The following VEPH1 variants were observed in gnomAD, a reference collection of about 807,000 sequenced individuals.
The protein encoded by VEPH1 is ventricular zone-expressed PH domain-containing protein homolog 1.
VEPH1 carries 80 observed loss-of-function variants against 85.2 expected under a neutral mutation model. The ratio of observed to expected loss-of-function variants is 0.94; its 90% CI spans 0.78 to 1.13. The LOEUF (loss-of-function observed/expected upper bound fraction) is 1.13. Ranked by LOEUF, VEPH1 falls within the 50% of genes most tolerant of loss-of-function variation. The probability of loss-of-function intolerance (pLI) is 0.00; values close to 1 mark genes in which losing one functional copy is unlikely to be tolerated. For missense variants in VEPH1, 955 were observed against 980.5 expected, an observed-to-expected ratio of 0.97 and a Z score of 0.35; for synonymous variants, 297 against 348.0, an observed-to-expected ratio of 0.85 and a Z score of 1.63.
chr3:157,454,162 C>A (rs574184316), intron 4 of VEPH1, among the ~76,000 whole-genome samples: 9 of 151,570 alleles, frequency 5.9e-5, no homozygotes, highest in Non-Finnish European at 8.8e-5. Context: ...AAATTTGTTT[C>A]AAAAATGTAG....
chr3:157,353,681 T>C (rs537043251), intron 9 of VEPH1, among the ~76,000 whole-genome samples: 2 of 152,352 alleles, frequency 1.3e-5, no homozygotes, highest in South Asian at 2.1e-4. Flanking sequence ...ATCCTTTTTT[T>C]TCCTGGGTTT....
At chr3:157,457,039 C>A (rs994753199) in intron 4 of VEPH1, among the ~76,000 whole-genome samples, 29 of 152,206 alleles carry the variant, frequency 1.9e-4, no homozygotes, top group African/African-American at 6.7e-4. Context: ...TGTGTCATCT[C>A]TGACTTCTTT....
chr3:157,470,720 A>G (rs190202926), intron 2 of VEPH1, among the ~76,000 whole-genome samples, 191 bp from the exon 3 acceptor site: 17 of 152,286 alleles, frequency 1.1e-4, no homozygotes, highest in African/African-American at 3.4e-4. Flanking sequence ...CAGATACACA[A>G]ACATGCTAAA....
intron 9 of VEPH1, among the ~76,000 whole-genome samples, chr3:157,332,364 A>G (rs1449903314): frequency 6.6e-6 from 1 of 152,152 alleles, no homozygotes; most frequent in African/African-American, 2.4e-5. Flanking sequence ...CCCTAAATGG[A>G]ACCCCCACAT....
rs148427792 is a variant in VEPH1 at position 157,397,999 on chromosome 3, T to A, written c.906+15882A>T. On this transcript the variant is annotated intron_variant, in intron 6 of 13. Transcript: ENST00000362010. ...ATCATGCAGAGCCATTTGTAAACCATGCCCTCGTCTCTTCCTCTGTCAACC... is the reference window on the plus strand; with the variant it reads ...ATCATGCAGAGCCATTTGTAAACCAAGCCCTCGTCTCTTCCTCTGTCAACC... 3.9e-3 allele frequency among the ~76,000 whole-genome samples: 596 copies of A among 152,278 alleles called. 10 individuals are homozygous for A. The East Asian group carries it at 0.044, about 11-fold the overall frequency.
chr3:157,308,226 C>T (rs1271539088), intron 11 of VEPH1, among the ~76,000 whole-genome samples: 1 of 151,850 alleles, frequency 6.6e-6, no homozygotes, highest in Middle Eastern at 3.4e-3. Flanking sequence ...TTTTGTCTCC[C>T]TGCATTGGGT....
At chr3:157,468,793 A>G (rs1187850022) in intron 3 of VEPH1, among the ~76,000 whole-genome samples, 2 of 152,154 alleles carry the variant, frequency 1.3e-5, no homozygotes, top group African/African-American at 2.4e-5. Context: ...ATATACATAT[A>G]TAATTTACCA....
intron 4 of VEPH1, chr3:157,437,714 C>A: frequency 6.5e-7 from 1 of 1,530,016 alleles, no homozygotes; most frequent in Non-Finnish European, 8.7e-7. Flanking sequence ...CCCGCAGAGG[C>A]CAGGCTGACC....
chr3:157,476,051 A>G (rs929107893), intron 2 of VEPH1, among the ~76,000 whole-genome samples: 6 of 152,250 alleles, frequency 3.9e-5, no homozygotes, highest in Non-Finnish European at 1.5e-5. Context: ...GGAATGACTC[A>G]GCCAAATGAC....
At chr3:157,460,032 C>T (rs768197298) in intron 4 of VEPH1, 149 bp downstream of exon 4, 2 of 1,569,372 alleles carry the variant, frequency 1.3e-6, no homozygotes, top group Admixed American at 3.7e-5. Flanking sequence ...TAACCTTTTG[C>T]ATGTTCACAG....
At chr3:157,496,443 T>G (rs1426351014) in intron 1 of VEPH1, among the ~76,000 whole-genome samples, 2 of 152,222 alleles carry the variant, frequency 1.3e-5, no homozygotes, top group Non-Finnish European at 2.9e-5. Flanking sequence ...GTGGCAAGGA[T>G]AGTCTACTGA....
chr3:157,443,023 T>G (rs1734262966), intron 4 of VEPH1: 1 of 1,548,496 alleles, frequency 6.5e-7, no homozygotes, highest in Non-Finnish European at 8.7e-7. Flanking sequence ...AAACTCACAC[T>G]TAAAACACAT....
intron 11 of VEPH1, among the ~76,000 whole-genome samples, chr3:157,295,643 G>A (rs1371770494): frequency 6.8e-6 from 1 of 148,148 alleles, no homozygotes; most frequent in Non-Finnish European, 1.5e-5. Context: ...CCACCCCTCA[G>A]TAGAGAACTG....
At chr3:157,455,705 C>T (rs1174828951) in intron 4 of VEPH1, among the ~76,000 whole-genome samples, 2 of 152,150 alleles carry the variant, frequency 1.3e-5, no homozygotes, top group East Asian at 1.9e-4. Flanking sequence ...TGTTAGCTTG[C>T]TAAGGATAAT....
chr3:157,490,431 A>T (rs1739124313), intron 2 of VEPH1, among the ~76,000 whole-genome samples: 1 of 152,106 alleles, frequency 6.6e-6, no homozygotes, highest in South Asian at 2.1e-4. Flanking sequence ...AAGAAAAAAA[A>T]AACATAAACA....
chr3:157,486,976 A>G (rs1738714923), intron 2 of VEPH1, among the ~76,000 whole-genome samples: 1 of 152,148 alleles, frequency 6.6e-6, no homozygotes. Context: ...AGAATTTACA[A>G]TAAAAACATA....
chr3:157,286,092 A>G (rs2108369203), intron 12 of VEPH1: 1 of 154,306 alleles, frequency 6.5e-6, no homozygotes, highest in East Asian at 1.9e-4. Flanking sequence ...CTATGAGGTT[A>G]TTTCTCAGAT....
rs148829090 is a variant in VEPH1 at position 157,322,102 on chromosome 3, G to A, written c.1736-4901C>T. Among the ~76,000 whole-genome samples, 689 of 151,980 alleles carry A rather than the reference G, an allele frequency of 4.5e-3. 1 individual carries two copies. Among genetic ancestry groups the A allele is most frequent in the Non-Finnish European group, 6.5e-3 (439 of 67,964 alleles). ...GTTGAAACCCTATACCCATTAAACC[G>A]TAACTCCCCATCTTCCTCTCCCCTG... On this transcript the variant is annotated intron_variant, in intron 9 of 13. Coordinates refer to ENST00000362010, the MANE Select transcript of VEPH1 (RefSeq NM_001167912.2).
At chr3:157,350,753 G>A (rs73156756) in intron 9 of VEPH1, among the ~76,000 whole-genome samples, 35,049 of 151,976 alleles carry the variant, frequency 0.23, 4,733 homozygotes, top group Admixed American at 0.43. Flanking sequence ...ACATATGACC[G>A]ACAAATATAT....
Sources: gnomAD v4.1 joint callset for allele counts (sites outside exome capture counted in the v4.1 genomes callset) on GRCh38, gnomAD v4.1.1 for gene constraint, MANE v1.5 for transcripts, NCBI Gene and HGNC (gene_info 2026-07-23, HGNC 2026-07-21) for gene names.